N4BP3: variants seen among roughly 807,000 people sequenced by gnomAD.
The protein encoded by N4BP3 is NEDD4 binding protein 3.
In N4BP3, 33 loss-of-function variants were observed where a neutral mutation model predicts 43.8. The observed-to-expected ratio is 0.75, with a 90% CI of 0.57 to 1.01. The LOEUF is 1.01. Among genes scored for constraint, N4BP3 ranks in the 50% least tolerant of loss-of-function variants. N4BP3 has a pLI of 0.00. For missense variants in N4BP3, 756 were observed against 744.2 expected (o/e 1.02, Z -0.18); for synonymous variants, 326 against 321.9 (o/e 1.01, Z -0.14).
In N4BP3 at chr5:178,120,302, T is replaced by G; in HGVS notation, c.455T>G (p.Leu152Arg). Reference sequence around the variant, plus strand: ...CGCAGCAATGGCAGCCTGCACACGCTGGCCTGCCACCCGCCCCTGAGCCCC... The same window carrying G: ...CGCAGCAATGGCAGCCTGCACACGCGGGCCTGCCACCCGCCCCTGAGCCCC... ...LWRSNGSLHTLACHPPLSPGP... is the reference protein window; with the variant it reads ...LWRSNGSLHTRACHPPLSPGP... Residue 152 changes from leucine to arginine, a missense_variant, in exon 3 of 5, where the codon CTG (leucine) becomes CGG (arginine). Coordinates refer to ENST00000274605, the MANE Select transcript of N4BP3 (RefSeq NM_015111.2). 4 of 1,608,812 alleles carry G rather than the reference T, an allele frequency of 2.5e-6. No individual in the cohort carries two copies. Among genetic ancestry groups the G allele is most frequent in the Non-Finnish European group, 3.4e-6 (4 of 1,177,852 alleles).
At position 178,124,400 on chromosome 5, in the gene N4BP3, G is replaced by A. The variant is rs1426289826; in HGVS notation, c.*2399G>A. 1 of 152,514 alleles carries A rather than the reference G, an allele frequency of 6.6e-6. No individual in the cohort carries two copies. The highest frequency in any genetic ancestry group is 1.5e-5 in the Non-Finnish European group (1 of 68,118). The allele number at this position is 152,514 out of a possible 1,614,324, so 9.4% of individuals were successfully genotyped here. A position where few individuals can be genotyped will look rare whatever the true frequency, so the allele number is the denominator to read the frequency against. ...TCCAGGCTGGACAAACCAGTTCCTG[G>A]GTCCCCCAGCCGGCTGGGTGGCTCT... On this transcript the variant is annotated 3_prime_UTR_variant, in exon 5 of 5. Coordinates refer to ENST00000274605, the MANE Select transcript of N4BP3 (RefSeq NM_015111.2).
chr5:178,123,701 C>T lies in N4BP3; in HGVS notation c.*1700C>T. The T allele has an allele frequency of 6.5e-6, 1 of 153,050 alleles. No individual in the cohort carries two copies. The highest frequency in any genetic ancestry group is 1.5e-5 in the Non-Finnish European group (1 of 68,290). 9.5% of individuals were successfully genotyped at this position (153,050 alleles called of 1,614,324 possible). On this transcript the variant is annotated 3_prime_UTR_variant, in exon 5 of 5. Coordinates refer to ENST00000274605, the MANE Select transcript of N4BP3 (RefSeq NM_015111.2). The stretch of plus-strand genomic sequence containing the variant: ...AGTGGCAGGTGTGTGTAAAGATGTG[C>T]TTGTGGGTGGTGGGTGTGTCTGAGG...
rs1277787881 is a variant in N4BP3 at position 178,118,869 on chromosome 5, T to C, written c.-30-685T>C. ...CAGGTTCAGCCAGGCTGAGTTTTCT[T>C]TTTTTTTTTTTTTTGAGATGGAGTC... On this transcript the variant is annotated intron_variant, in intron 1 of 4. Transcript: ENST00000274605. The surrounding 1 kb of genome is among the most constrained non-coding windows in gnomAD (Gnocchi z 5.4). Among the ~76,000 whole-genome samples the C allele has an allele frequency of 2.1e-5, 3 of 145,804 alleles. No individual in the cohort carries two copies. The highest frequency in any genetic ancestry group is 4.6e-5 in the Non-Finnish European group (3 of 65,648).
chr5:178,123,695 G>A lies in N4BP3; in HGVS notation c.*1694G>A, dbSNP rs372630403. 1 of 152,998 alleles carries A rather than the reference G, an allele frequency of 6.5e-6. No homozygotes were observed. Among genetic ancestry groups the A allele is most frequent in the Non-Finnish European group, 1.5e-5 (1 of 68,290 alleles). 9.5% of individuals were successfully genotyped at this position (152,998 alleles called of 1,614,324 possible). A position where few individuals can be genotyped will look rare whatever the true frequency, so the allele number is the denominator to read the frequency against. On this transcript the variant is annotated 3_prime_UTR_variant, in exon 5 of 5. Coordinates refer to ENST00000274605, the MANE Select transcript of N4BP3 (RefSeq NM_015111.2). ...CATGTAAGTGGCAGGTGTGTGTAAA[G>A]ATGTGCTTGTGGGTGGTGGGTGTGT...
At position 178,121,712 on chromosome 5, in the gene N4BP3, G is replaced by C. The variant is rs752209708; in HGVS notation, c.1346G>C (p.Ser449Thr). 1 of 1,609,454 alleles carries C rather than the reference G, an allele frequency of 6.2e-7. No individual in the cohort carries two copies. Among genetic ancestry groups the C allele is most frequent in the Non-Finnish European group, 8.5e-7 (1 of 1,179,868 alleles). ...PGSCETDDCK[S>T]RGLLGEAGGS... ...AGCTGTGAGACTGATGACTGCAAGA[G>C]CAGGGGCCTGCTAGGGGAGGCAGGA... Residue 449 changes from serine (S) to threonine (T), a missense_variant, in exon 5 of 5, where the codon AGC (serine) becomes ACC (threonine). Physicochemically the swap from Ser to Thr is moderately conservative, Grantham distance 58 (BLOSUM62 1). Coordinates refer to ENST00000274605, the MANE Select transcript of N4BP3 (RefSeq NM_015111.2).
In N4BP3 at chr5:178,120,171, C is replaced by T. The variant is rs746643844; in HGVS notation, c.331-7C>T. The stretch of plus-strand genomic sequence containing the variant: ...CACCTGCCCTCTCTGCCCTCTCTTC[C>T]TGGCAGTGCCGCATTCGCCCCTCAG... On this transcript the variant is annotated splice_region_variant and splice_polypyrimidine_tract_variant and intron_variant, in intron 2 of 4. Coordinates refer to ENST00000274605, the MANE Select transcript of N4BP3 (RefSeq NM_015111.2). 1.3e-6 allele frequency: 2 copies of T among 1,555,590 alleles called. No homozygotes were observed. Among genetic ancestry groups the T allele is most frequent in the South Asian group, 1.2e-5 (1 of 82,904 alleles).
In N4BP3 at chr5:178,121,876, C is replaced by T. The variant is rs2113319375; in HGVS notation, c.1510C>T (p.Gln504Ter). 1.2e-6 allele frequency: 2 copies of T among 1,609,998 alleles called. No homozygotes were observed. Among genetic ancestry groups the T allele is most frequent in the Non-Finnish European group, 1.7e-6 (2 of 1,179,210 alleles). ...QEEKERVLRY[Q>*]REIQGGYMDM... is the part of the protein sequence containing the mutation. ...GGAGAAGGAGCGCGTGCTGCGCTACCAGCGGGAGATCCAGGGAGGGTACAT... is the reference window on the plus strand; with the variant it reads ...GGAGAAGGAGCGCGTGCTGCGCTACTAGCGGGAGATCCAGGGAGGGTACAT... The change falls in exon 5 of 5, where the codon CAG (glutamine) becomes TAG (stop). Residue 504 changes from glutamine to a stop codon, truncating the protein, a stop_gained. Transcript: ENST00000274605. LOFTEE classifies it high-confidence loss of function.
rs910420936 is a variant in N4BP3, at chr5:178,113,758, G to C, written c.-44G>C. On this transcript the variant is annotated 5_prime_UTR_variant, in exon 1 of 5. Coordinates refer to ENST00000274605, the MANE Select transcript of N4BP3 (RefSeq NM_015111.2). ...GCTGCGGAGCCGCGGGCCGGCGAGC[G>C]CGTCGCCACCATGGTAAGTGGGGCG... 4.6e-5 allele frequency: 7 copies of C among 151,538 alleles called. No homozygotes were observed. The highest frequency in any genetic ancestry group is 1.7e-4 in the African/African-American group (7 of 41,274). The allele number at this position is 151,538 out of a possible 1,614,324, so 9.4% of individuals were successfully genotyped here.
In N4BP3 at chr5:178,121,111, G is replaced by A. The variant is rs781532963; in HGVS notation, c.866G>A (p.Arg289His). 1.3e-5 allele frequency: 20 copies of A among 1,598,156 alleles called. No individual in the cohort carries two copies. In the East Asian group the frequency reaches 1.8e-4, roughly 14 times the overall value. The change falls in exon 4 of 5, where the codon CGC becomes CAC. Residue 289 changes from arginine to histidine, a missense_variant. By Grantham distance (29) the Arg-to-His change is conservative. Transcript: ENST00000274605. Reference sequence around the variant, plus strand: ...TCCCCTTGACAGGTGCTGGAGGAGCGCCAGCGGCTGTGGCTGGCTGAGCTG... The same window carrying A: ...TCCCCTTGACAGGTGCTGGAGGAGCACCAGCGGCTGTGGCTGGCTGAGCTG... ...SNPFTQVLEE[R>H]QRLWLAELKR...
In N4BP3 at chr5:178,122,144, T is replaced by C. The variant is rs1296936331; in HGVS notation, c.*143T>C. 3.8e-6 allele frequency: 4 copies of C among 1,065,430 alleles called. No homozygotes were observed. The East Asian group carries it at 1.1e-4, about 28-fold the overall frequency. The allele number at this position is 1,065,430 out of a possible 1,614,324, so 66.0% of individuals were successfully genotyped here. A position where few individuals can be genotyped will look rare whatever the true frequency, so the allele number is the denominator to read the frequency against. ...AGGCGCAAGGAGAGGAGGGATCCAG[T>C]GGGGCCGTGGGCTGGGTAGGGTGCC... On this transcript the variant is annotated 3_prime_UTR_variant, in exon 5 of 5. Transcript: ENST00000274605.
At position 178,121,998 on chromosome 5, in the gene N4BP3, C is replaced by G. The variant is rs757901623; in HGVS notation, c.1632C>G (p.Ile544Met). ...GTCCCCGGCTCGAGTCCTCCAAGAT[C>G]TGAGGCCAGCAGAGCGAGCTGACAG... ...PWSPRLESSK[I>M] The change falls in exon 5 of 5, where the codon ATC becomes ATG. Residue 544 changes from isoleucine (I) to methionine (M), a missense_variant. Transcript: ENST00000274605. 2 of 1,588,332 alleles carry G rather than the reference C, an allele frequency of 1.3e-6. No homozygotes were observed. Among genetic ancestry groups the G allele is most frequent in the Non-Finnish European group, 1.7e-6 (2 of 1,167,934 alleles).
rs368853499 is a variant in N4BP3 at position 178,122,168 on chromosome 5, C to T, written c.*167C>T. 3.1e-4 allele frequency: 267 copies of T among 850,604 alleles called. No individual in the cohort carries two copies. In the African/African-American group the frequency reaches 3.9e-3, roughly 12 times the overall value. The allele number at this position is 850,604 out of a possible 1,614,324, so 52.7% of individuals were successfully genotyped here. A position where few individuals can be genotyped will look rare whatever the true frequency, so the allele number is the denominator to read the frequency against. Reference sequence around the variant, plus strand: ...GTGGGGCCGTGGGCTGGGTAGGGTGCCTTGGCAGGAGCCAGGACAAGGCCC... The same window carrying T: ...GTGGGGCCGTGGGCTGGGTAGGGTGTCTTGGCAGGAGCCAGGACAAGGCCC... On this transcript the variant is annotated 3_prime_UTR_variant, in exon 5 of 5. Coordinates refer to ENST00000274605, the MANE Select transcript of N4BP3 (RefSeq NM_015111.2).
chr5:178,120,997 G>A, intron 3 of N4BP3, 101 bp from the exon 4 acceptor site: 1 of 1,434,458 alleles, frequency 7.0e-7, no homozygotes, highest in East Asian at 2.4e-5. Context: ...GTCCTGTGGT[G>A]TAGGGGCACA....
chr5:178,121,650 C>A lies in N4BP3; in HGVS notation c.1284C>A (p.Ser428Arg). 6.2e-7 allele frequency: 1 copy of A among 1,612,426 alleles called. No individual in the cohort carries two copies. The highest frequency in any genetic ancestry group is 2.2e-5 in the East Asian group (1 of 44,852). Reference protein sequence around the residue: ...ELVRLREAVRSLQEQAPREEA... With the variant: ...ELVRLREAVRRLQEQAPREEA... ...TCCGGCTGCGCGAGGCTGTGCGCAGCCTGCAGGAGCAGGCCCCTCGGGAGG... is the reference window on the plus strand; with the variant it reads ...TCCGGCTGCGCGAGGCTGTGCGCAGACTGCAGGAGCAGGCCCCTCGGGAGG... The change falls in exon 5 of 5, where the codon AGC (serine) becomes AGA (arginine). Residue 428 changes from serine (S) to arginine (R), a missense_variant. Transcript: ENST00000274605.
At chr5:178,113,989 C>T (rs1757710030) in intron 1 of N4BP3, among the ~76,000 whole-genome samples, 1 of 152,176 alleles carries the variant, frequency 6.6e-6, no homozygotes, top group Admixed American at 6.5e-5. Context: ...CGGGGACCGA[C>T]CCCGATGCTC....
At position 178,121,943 on chromosome 5, in the gene N4BP3, G is replaced by A. The variant is rs1030754158; in HGVS notation, c.1577G>A (p.Arg526Gln). 3.1e-6 allele frequency: 5 copies of A among 1,611,528 alleles called. No individual in the cohort carries two copies. Among genetic ancestry groups the A allele is most frequent in the East Asian group, 2.2e-5 (1 of 44,860 alleles). The change falls in exon 5 of 5, where the codon CGG becomes CAG. Residue 526 changes from arginine to glutamine, a missense_variant. Arg to Gln is a conservative substitution (Grantham distance 43). Coordinates refer to ENST00000274605, the MANE Select transcript of N4BP3 (RefSeq NM_015111.2). ...RRNQALEQEL[R>Q]ALREPPTPWS... Reference sequence around the variant, plus strand: ...AACCAGGCACTGGAGCAGGAACTGCGGGCACTGCGGGAGCCCCCCACACCC... The same window carrying A: ...AACCAGGCACTGGAGCAGGAACTGCAGGCACTGCGGGAGCCCCCCACACCC...
rs966566936 is a variant in N4BP3, at chr5:178,120,669, C to T, written c.822C>T (p.Gly274=). ...ETCEELKRGL[G]DEDGSNPFTQ... is the part of the protein sequence containing the mutation. Reference sequence around the variant, plus strand: ...GTGAGGAGCTCAAGAGGGGCCTTGGCGATGAGGACGGCTCCAACCCCTTCA... The same window carrying T: ...GTGAGGAGCTCAAGAGGGGCCTTGGTGATGAGGACGGCTCCAACCCCTTCA... Residue 274 remains glycine, a synonymous_variant, in exon 3 of 5, where the codon GGC becomes GGT. Transcript: ENST00000274605. 8 of 1,600,584 alleles carry T rather than the reference C, an allele frequency of 5.0e-6. No homozygotes were observed. The highest frequency in any genetic ancestry group is 4.4e-5 in the South Asian group (4 of 90,942).
intron 1 of N4BP3, among the ~76,000 whole-genome samples, chr5:178,115,237 A>T (rs1224126835): frequency 6.6e-6 from 1 of 152,214 alleles, no homozygotes; most frequent in Non-Finnish European, 1.5e-5. Context: ...ACTAAGCACC[A>T]CTTCCGCAGG....
At chr5:178,119,230 A>G (rs1757846646) in intron 1 of N4BP3, among the ~76,000 whole-genome samples, 1 of 152,130 alleles carries the variant, frequency 6.6e-6, no homozygotes, top group East Asian at 1.9e-4. Context: ...TGCTGCTTCC[A>G]GGCCTATCCC....
Sources: gnomAD v4.1 joint callset for allele counts (sites outside exome capture counted in the v4.1 genomes callset) on GRCh38, gnomAD v4.1.1 for gene constraint, Gnocchi (gnomAD v3.1) non-coding constraint, MANE v1.5 for transcripts, NCBI Gene and HGNC (gene_info 2026-07-23, HGNC 2026-07-21) for gene names.